The following UNC5C variants were observed in gnomAD, a reference collection of about 807,000 sequenced individuals.
UNC5C encodes the protein netrin receptor UNC5C.
Under a neutral mutation model 99.8 loss-of-function variants are expected in UNC5C, and 47 were observed. The observed-to-expected ratio is 0.47, with a 90% CI of 0.37 to 0.60. The LOEUF (loss-of-function observed/expected upper bound fraction) is 0.60. UNC5C is among the 20% of genes least tolerant of loss of function. The pLI, the probability that UNC5C is intolerant of heterozygous loss-of-function variation, is 0.00. For missense variants in UNC5C, 1,062 were observed against 1,165.9 expected, an observed-to-expected ratio of 0.91 and a Z score of 1.30; for synonymous variants, 487 against 452.2, an observed-to-expected ratio of 1.08 and a Z score of -0.98.
chr4:95,286,737 C>T (rs1331034344), intron 3 of UNC5C, among the ~76,000 whole-genome samples: 2 of 152,150 alleles, frequency 1.3e-5, no homozygotes, highest in African/African-American at 2.4e-5. Context: ...GGGTACAAAA[C>T]CAATCAATCA....
intron 1 of UNC5C, among the ~76,000 whole-genome samples, chr4:95,357,354 C>G: frequency 6.6e-6 from 1 of 152,002 alleles, no homozygotes; most frequent in Admixed American, 6.6e-5. Context: ...GCTGCCCAGG[C>G]TGGTCTCAAA....
At chr4:95,187,293 C>T (rs530810297) in intron 12 of UNC5C, among the ~76,000 whole-genome samples, 1 of 152,192 alleles carries the variant, frequency 6.6e-6, no homozygotes, top group South Asian at 2.1e-4. Context: ...TTCCATATGC[C>T]CTAATTACCT....
At chr4:95,308,043 C>T (rs1742124078) in intron 2 of UNC5C, among the ~76,000 whole-genome samples, 1 of 152,148 alleles carries the variant, frequency 6.6e-6, no homozygotes, top group South Asian at 2.1e-4. Flanking sequence ...AGTTTTTCCT[C>T]TAAGATCAGG....
At chr4:95,368,575 G>A (rs931087058) in intron 1 of UNC5C, among the ~76,000 whole-genome samples, 1 of 152,104 alleles carries the variant, frequency 6.6e-6, no homozygotes, top group African/African-American at 2.4e-5. Context: ...CTGTAAGCCA[G>A]TTATGACTTA....
chr4:95,479,899 G>A (rs1721083803), intron 1 of UNC5C, among the ~76,000 whole-genome samples: 1 of 151,796 alleles, frequency 6.6e-6, no homozygotes, highest in Non-Finnish European at 1.5e-5. Flanking sequence ...CATAGAGAAC[G>A]GGCCTCATCT....
chr4:95,533,595 T>C (rs1722707541), intron 1 of UNC5C, among the ~76,000 whole-genome samples: 1 of 152,168 alleles, frequency 6.6e-6, no homozygotes, highest in South Asian at 2.1e-4. Flanking sequence ...TTTAATTCTT[T>C]ATTTGTTTGA....
chr4:95,198,605 A>G (rs1014875357), intron 12 of UNC5C, among the ~76,000 whole-genome samples: 2 of 152,194 alleles, frequency 1.3e-5, no homozygotes, highest in African/African-American at 4.8e-5. Context: ...GGCAGGATCC[A>G]CAGAGCTCTG....
chr4:95,190,630 T>G (rs1401663799), intron 12 of UNC5C, among the ~76,000 whole-genome samples: 1 of 152,090 alleles, frequency 6.6e-6, no homozygotes, highest in Non-Finnish European at 1.5e-5. Context: ...CCTTGTACAG[T>G]TCTATCTGCA....
At position 95,163,468 on chromosome 4, in the gene UNC5C, G is replaced by A. The variant is rs930393944; in HGVS notation, c.*5766C>T. 44 of 152,262 alleles carry A rather than the reference G, an allele frequency of 2.9e-4. No individual in the cohort carries two copies. The highest frequency in any genetic ancestry group is 1.1e-3 in the African/African-American group (44 of 41,536). The allele number at this position is 152,262 out of a possible 1,614,324, so 9.4% of individuals were successfully genotyped here. ...CTTAGGCTGCTGATCAGCAAAACCT[G>A]CCTACAATTCATCTTCTACACACCA... On this transcript the variant is annotated 3_prime_UTR_variant, in exon 16 of 16. Transcript: ENST00000453304.
intron 2 of UNC5C, among the ~76,000 whole-genome samples, chr4:95,330,638 C>A (rs1232578919): frequency 6.6e-6 from 1 of 151,874 alleles, no homozygotes; most frequent in Non-Finnish European, 1.5e-5. Context: ...TTTTAAAATG[C>A]ATACATTTTC....
intron 1 of UNC5C, among the ~76,000 whole-genome samples, chr4:95,468,502 G>C (rs769943577): frequency 5.9e-5 from 9 of 152,048 alleles, no homozygotes; most frequent in Non-Finnish European, 7.4e-5. Flanking sequence ...TCCTTGATTA[G>C]CTCTGTCATA....
chr4:95,240,297 T>TA (rs1216558886), intron 7 of UNC5C, among the ~76,000 whole-genome samples: 12 of 152,230 alleles, frequency 7.9e-5, no homozygotes, highest in African/African-American at 2.9e-4. Flanking sequence ...ATTATTTTTT[T>TA]ACAAGACTTT....
intron 1 of UNC5C, among the ~76,000 whole-genome samples, chr4:95,497,656 T>C (rs902747927): frequency 1.3e-5 from 2 of 151,996 alleles, no homozygotes; most frequent in Non-Finnish European, 2.9e-5. Context: ...GATAAAATAA[T>C]AGTATTTTCC....
chr4:95,269,411 C>G (rs1371736441), intron 4 of UNC5C, among the ~76,000 whole-genome samples: 3 of 152,092 alleles, frequency 2.0e-5, no homozygotes, highest in Non-Finnish European at 4.4e-5. Flanking sequence ...CCTGCCACCT[C>G]AGTTCCTGGA....
intron 14 of UNC5C, among the ~76,000 whole-genome samples, chr4:95,172,321 A>G (rs372390572): frequency 1.3e-5 from 2 of 150,832 alleles, no homozygotes; most frequent in African/African-American, 2.4e-5. Flanking sequence ...GCCCATGCCT[A>G]TGTCCTGAAT....
intron 1 of UNC5C, among the ~76,000 whole-genome samples, chr4:95,545,763 C>T (rs1200113888): frequency 7.4e-6 from 1 of 135,328 alleles, no homozygotes; most frequent in African/African-American, 3.4e-5. Context: ...CACACACACG[C>T]GCGCGCGCGC....
chr4:95,197,448 G>A (rs1474388609), intron 12 of UNC5C, among the ~76,000 whole-genome samples: 1 of 152,164 alleles, frequency 6.6e-6, no homozygotes, highest in African/African-American at 2.4e-5. Flanking sequence ...GAAGATGGAG[G>A]TGGTCAGGAA....
chr4:95,282,257 T>A lies in UNC5C; in HGVS notation c.491-3895A>T, dbSNP rs934981478. On this transcript the variant is annotated intron_variant, in intron 3 of 15. Transcript: ENST00000453304. The stretch of plus-strand genomic sequence containing the variant: ...AGCAGCCAAGAGGAAAATAAAATTT[T>A]AAAAAATGGGGAGGTCAATAGGAGA... 6.6e-5 allele frequency among the ~76,000 whole-genome samples: 10 copies of A among 152,166 alleles called. 1 individual carries two copies. Among genetic ancestry groups the A allele is most frequent in the African/African-American group, 1.9e-4 (8 of 41,506 alleles).
chr4:95,171,270 A>C (rs1229191429), intron 14 of UNC5C, among the ~76,000 whole-genome samples: 1 of 151,546 alleles, frequency 6.6e-6, no homozygotes, highest in East Asian at 1.9e-4. Flanking sequence ...TTTAGGGTAC[A>C]TGTGCACAAT....
Sources: gnomAD v4.1 joint callset for allele counts (sites outside exome capture counted in the v4.1 genomes callset) on GRCh38, gnomAD v4.1.1 for gene constraint, MANE v1.5 for transcripts, NCBI Gene and HGNC (gene_info 2026-07-23, HGNC 2026-07-21) for gene names.